Variants in CSMD1 observed in about 807,000 individuals in gnomAD.
CSMD1 encodes the protein CUB and Sushi multiple domains 1, also known as CUB and sushi domain-containing protein 1.
CSMD1 carries 213 observed loss-of-function variants against 417.5 expected under a neutral mutation model. The observed-to-expected ratio is 0.51, with a 90% CI of 0.46 to 0.57. The LOEUF (loss-of-function observed/expected upper bound fraction) is 0.57, where lower values mean the gene tolerates loss of function less well. CSMD1 is among the 20% of genes least tolerant of loss of function. CSMD1 has a pLI of 0.00. For synonymous variants in CSMD1, 2,862 were observed against 1,736.8 expected (o/e 1.65, Z -16.11); for missense variants, 6,923 against 4,529.7 (o/e 1.53, Z -15.17).
chr8:4,854,221 T>A (rs1801654299), intron 1 of CSMD1, among the ~76,000 whole-genome samples: 1 of 152,104 alleles, frequency 6.6e-6, no homozygotes. Context: ...TGGAAAGATA[T>A]GATTTGGGTA....
intron 1 of CSMD1, among the ~76,000 whole-genome samples, chr8:4,679,278 C>T (rs750362990): frequency 3.9e-5 from 6 of 152,184 alleles, no homozygotes; most frequent in African/African-American, 7.2e-5. Flanking sequence ...GAGAAGGTAG[C>T]TTGACCTTAC....
chr8:4,752,714 T>G (rs1027681244), intron 1 of CSMD1, among the ~76,000 whole-genome samples: 1 of 152,182 alleles, frequency 6.6e-6, no homozygotes, highest in Non-Finnish European at 1.5e-5. Flanking sequence ...GGTTTACCTT[T>G]GGGGCAACGA....
At chr8:4,274,931 C>G (rs1796390271) in intron 3 of CSMD1, among the ~76,000 whole-genome samples, 1 of 152,140 alleles carries the variant, frequency 6.6e-6, no homozygotes, top group African/African-American at 2.4e-5. Flanking sequence ...TGGCCACATT[C>G]ATATTTTCTT....
intron 1 of CSMD1, among the ~76,000 whole-genome samples, chr8:4,886,667 A>G (rs1803761406): frequency 6.6e-6 from 1 of 152,046 alleles, no homozygotes; most frequent in Admixed American, 6.5e-5. Flanking sequence ...CCAAGTAATC[A>G]CAGTACATAT....
chr8:4,198,176 G>A (rs1018160712), intron 3 of CSMD1, among the ~76,000 whole-genome samples: 1 of 152,156 alleles, frequency 6.6e-6, no homozygotes, highest in Non-Finnish European at 1.5e-5. Context: ...CATGATCAGG[G>A]GAGTCATTCC....
intron 2 of CSMD1, among the ~76,000 whole-genome samples, chr8:4,463,347 G>T (rs544510976): frequency 6.6e-6 from 1 of 152,136 alleles, no homozygotes; most frequent in Non-Finnish European, 1.5e-5. Flanking sequence ...AATATAGAAT[G>T]GTGCGTCTAT....
intron 5 of CSMD1, among the ~76,000 whole-genome samples, chr8:3,842,239 T>G (rs1282276997): frequency 6.6e-6 from 1 of 152,126 alleles, no homozygotes; most frequent in Admixed American, 6.5e-5. Context: ...GCTTGTCCAT[T>G]TCTCTGTTAA....
At chr8:3,674,806 C>T (rs538136573) in intron 7 of CSMD1, among the ~76,000 whole-genome samples, 2 of 152,200 alleles carry the variant, frequency 1.3e-5, no homozygotes, top group South Asian at 2.1e-4. Context: ...AAACCAATTC[C>T]AAATGAGGCT....
chr8:3,938,048 G>A (rs1342338208), intron 5 of CSMD1, among the ~76,000 whole-genome samples: 1 of 152,050 alleles, frequency 6.6e-6, no homozygotes, highest in African/African-American at 2.4e-5. Context: ...TTTCCTAATT[G>A]ACTTCCAACA....
chr8:4,283,232 C>T (rs1796888106), intron 3 of CSMD1, among the ~76,000 whole-genome samples: 1 of 152,112 alleles, frequency 6.6e-6, no homozygotes, highest in Non-Finnish European at 1.5e-5. Flanking sequence ...AAAGTATCCA[C>T]TATCCTTTTG....
chr8:4,965,424 T>C (rs1221217538), intron 1 of CSMD1, among the ~76,000 whole-genome samples: 1 of 152,204 alleles, frequency 6.6e-6, no homozygotes, highest in Non-Finnish European at 1.5e-5. Flanking sequence ...TATTTTTCAA[T>C]TTTATAGATA....
intron 3 of CSMD1, among the ~76,000 whole-genome samples, chr8:4,365,926 C>CT (rs1461961330): frequency 9.2e-5 from 14 of 151,716 alleles, no homozygotes; most frequent in African/African-American, 3.4e-4. Context: ...TTATTTTTTT[C>CT]TTTTTTGAAA....
Position 4,977,378 on chromosome 8 carries a change from C to G in CSMD1, c.85+16954G>C, listed in dbSNP as rs981338659. On this transcript the variant is annotated intron_variant, in intron 1 of 69. Transcript: ENST00000635120. The stretch of plus-strand genomic sequence containing the variant: ...CCCAGGCCCACTGAGCAGCTCTCCT[C>G]ATGGCACAAGTTGAAAGGATTTCAG... Among the ~76,000 whole-genome samples, 2 of 152,198 alleles carry G rather than the reference C, an allele frequency of 1.3e-5. 1 individual carries two copies. The highest frequency in any genetic ancestry group is 6.8e-3 in the Middle Eastern group (2 of 294).
At chr8:3,620,782 A>G (rs1335883957) in intron 7 of CSMD1, among the ~76,000 whole-genome samples, 1 of 152,212 alleles carries the variant, frequency 6.6e-6, no homozygotes, top group African/African-American at 2.4e-5. Context: ...ATGAAAATTG[A>G]ATAACAACAA....
intron 2 of CSMD1, among the ~76,000 whole-genome samples, chr8:4,567,216 G>C (rs578000616): frequency 1.3e-5 from 2 of 152,186 alleles, no homozygotes; most frequent in Non-Finnish European, 2.9e-5. Context: ...AGCATGAACA[G>C]TGGGGATTGA....
rs191171079 is a variant in CSMD1 at position 4,757,052 on chromosome 8, T to G, written c.86-119494A>C. ...TACAATATGCAGGAATGCATTGTGT[T>G]TAAGAAACTGAAACAGAAATGGCAA... On this transcript the variant is annotated intron_variant, in intron 1 of 69. Transcript: ENST00000635120. 3.1e-3 allele frequency among the ~76,000 whole-genome samples: 471 copies of G among 152,302 alleles called. 3 individuals carry two copies. The highest frequency in any genetic ancestry group is 0.011 in the African/African-American group (454 of 41,568).
At chr8:4,581,653 G>A (rs185584109) in intron 2 of CSMD1, among the ~76,000 whole-genome samples, 1 of 152,296 alleles carries the variant, frequency 6.6e-6, no homozygotes, top group Admixed American at 6.5e-5. Context: ...GTGGAAAGGG[G>A]AGTTCATTTG....
chr8:3,242,387 G>A (rs1007960485), intron 26 of CSMD1, among the ~76,000 whole-genome samples: 4 of 151,902 alleles, frequency 2.6e-5, no homozygotes, highest in African/African-American at 9.7e-5. Context: ...AGGAGGGAAA[G>A]AAGGAAGATT....
chr8:4,128,461 C>A (rs1802895229), intron 3 of CSMD1, among the ~76,000 whole-genome samples: 1 of 152,164 alleles, frequency 6.6e-6, no homozygotes, highest in Non-Finnish European at 1.5e-5. Flanking sequence ...TATGCCATTC[C>A]ACATGCTCTC....
Sources: allele counts gnomAD v4.1 joint callset (sites outside exome capture counted in the v4.1 genomes callset), GRCh38; gene constraint gnomAD v4.1.1; transcripts MANE v1.5; gene names NCBI Gene and HGNC (gene_info 2026-07-23, HGNC 2026-07-21).